ANKRD17: variants seen among roughly 807,000 people sequenced by gnomAD.
ANKRD17 encodes the protein ankyrin repeat domain 17.
In ANKRD17, 19 loss-of-function variants were observed where a neutral mutation model predicts 229.7. That is an observed-to-expected ratio of 0.08 (90% CI 0.06 to 0.12). The LOEUF is 0.12. ANKRD17 is among the 10% of genes least tolerant of loss of function. The probability of loss-of-function intolerance (pLI) is 1.00; values close to 1 mark genes in which losing one functional copy is unlikely to be tolerated. For synonymous variants in ANKRD17, 1,112 were observed against 1,146.1 expected (o/e 0.97, Z 0.60); for missense variants, 2,176 against 3,176.8 (o/e 0.68, Z 7.57).
At position 73,229,114 on chromosome 4, in the gene ANKRD17, C is replaced by G. The variant is rs1742799683; in HGVS notation, c.393+29162G>C. Among the ~76,000 whole-genome samples the G allele has an allele frequency of 3.9e-5, 6 of 151,982 alleles. No homozygotes were observed. In the South Asian group the frequency reaches 1.2e-3, roughly 32 times the overall value. On this transcript the variant is annotated intron_variant, in intron 1 of 33. Transcript: ENST00000358602. ...CACTTGGACACAGGAAGGGGAACAT[C>G]ACACACCAGGGCCTGTTGTGGGGTA...
intron 2 of ANKRD17, among the ~76,000 whole-genome samples, chr4:73,166,793 T>G (rs1404331670): frequency 1.3e-5 from 2 of 151,860 alleles, no homozygotes; most frequent in Non-Finnish European, 2.9e-5. Flanking sequence ...ATGATTAAAC[T>G]TAAAACAATT....
rs71655741 is a variant in ANKRD17, at chr4:73,191,341, A to ATGTGTGTGTGTGTGTGTGTGTGTG, written c.394-13832_394-13809dup. Among the ~76,000 whole-genome samples the ATGTGTGTGTGTGTGTGTGTGTGTG allele has an allele frequency of 6.3e-3, 785 of 125,238 alleles. 13 individuals are homozygous for ATGTGTGTGTGTGTGTGTGTGTGTG. Among genetic ancestry groups the ATGTGTGTGTGTGTGTGTGTGTGTG allele is most frequent in the Middle Eastern group, 0.013 (3 of 236 alleles). The allele number at this position is 125,238 out of a possible 152,430, so 82.2% of individuals were successfully genotyped here. A position where few individuals can be genotyped will look rare whatever the true frequency, so the allele number is the denominator to read the frequency against. Reference sequence around the variant, plus strand: ...AATAGGCCCCTACCAAAAAATATATATGTGTGTGTGTGTGTGTGTGTGTGT... The same window carrying ATGTGTGTGTGTGTGTGTGTGTGTG: ...AATAGGCCCCTACCAAAAAATATATATGTGTGTGTGTGTGTGTGTGTGTGTGTGTGTGTGTGTGTGTGTGTGTGT... On this transcript the variant is annotated intron_variant, in intron 1 of 33. Coordinates refer to ENST00000358602, the MANE Select transcript of ANKRD17 (RefSeq NM_032217.5).
chr4:73,158,912 T>C (rs193104385), intron 3 of ANKRD17, among the ~76,000 whole-genome samples: 1 of 152,350 alleles, frequency 6.6e-6, no homozygotes, highest in East Asian at 1.9e-4. Context: ...CCCTTGACCA[T>C]GGACTTCTCA....
Position 73,141,860 on chromosome 4 carries a change from T to A in ANKRD17, c.2230-17A>T. On this transcript the variant is annotated splice_polypyrimidine_tract_variant and intron_variant, in intron 13 of 33. Coordinates refer to ENST00000358602, the MANE Select transcript of ANKRD17 (RefSeq NM_032217.5). Reference sequence around the variant, plus strand: ...ACGAGGAGCCTAAGACAAAGGACACTAAGTGACTATTAGTGTCCTACACAA... The same window carrying A: ...ACGAGGAGCCTAAGACAAAGGACACAAAGTGACTATTAGTGTCCTACACAA... 6.3e-7 allele frequency: 1 copy of A among 1,595,118 alleles called. No individual in the cohort carries two copies. The highest frequency in any genetic ancestry group is 8.6e-7 in the Non-Finnish European group (1 of 1,163,670).
intron 24 of ANKRD17, among the ~76,000 whole-genome samples, chr4:73,103,663 A>G (rs374692684): frequency 2.6e-4 from 40 of 152,344 alleles, no homozygotes; most frequent in Admixed American, 4.6e-4. Flanking sequence ...ATGTGTCAAA[A>G]CAATGTCAGT....
At chr4:73,131,648 A>G (rs1728212960) in intron 16 of ANKRD17, among the ~76,000 whole-genome samples, 1 of 152,196 alleles carries the variant, frequency 6.6e-6, no homozygotes, top group African/African-American at 2.4e-5. Flanking sequence ...TTAATAAAAG[A>G]AAAGAGTCTA....
At chr4:73,251,627 G>A (rs1745037159) in intron 1 of ANKRD17, among the ~76,000 whole-genome samples, 1 of 151,184 alleles carries the variant, frequency 6.6e-6, no homozygotes, top group Non-Finnish European at 1.5e-5. Flanking sequence ...AATATAAGTG[G>A]TACCAGCAGG....
chr4:73,244,583 C>T (rs1162523336), intron 1 of ANKRD17, among the ~76,000 whole-genome samples: 1 of 152,178 alleles, frequency 6.6e-6, no homozygotes, highest in Non-Finnish European at 1.5e-5. Context: ...AAGTGCAAGA[C>T]AGCAGATACT....
chr4:73,165,785 T>G (rs765501021), intron 2 of ANKRD17, among the ~76,000 whole-genome samples: 1 of 152,214 alleles, frequency 6.6e-6, no homozygotes, highest in African/African-American at 2.4e-5. Context: ...TACTTGCCAC[T>G]GCTGACTTAA....
In ANKRD17 at chr4:73,077,545, CAA is replaced by C. The variant is rs775040857; in HGVS notation, c.7409-14_7409-13del. 8.0e-5 allele frequency: 123 copies of C among 1,535,558 alleles called. No homozygotes were observed. Among genetic ancestry groups the C allele is most frequent in the Admixed American group, 2.0e-4 (9 of 44,796 alleles). On this transcript the variant is annotated splice_polypyrimidine_tract_variant and intron_variant, in intron 31 of 33. Coordinates refer to ENST00000358602, the MANE Select transcript of ANKRD17 (RefSeq NM_032217.5). ...CCAGTCTACTTTGTCTGAGGGCAAA[CAA>C]AGAGGCAAAACAAAAATAGATAATA...
intron 21 of ANKRD17, 71 bp downstream of exon 21, chr4:73,120,091 A>C: frequency 6.8e-7 from 1 of 1,463,330 alleles, no homozygotes; most frequent in Non-Finnish European, 9.5e-7. Context: ...TAAATAGTTT[A>C]ATTGCCTAGA....
chr4:73,144,837 TTAAA>T lies in ANKRD17; in HGVS notation c.1870-9_1870-6del. ...TCCACCTTCAGATTCATGTTCCTGT[TTAAA>T]AAAAAAAAAAAAGACTTGACATTTA... On this transcript the variant is annotated splice_region_variant and splice_polypyrimidine_tract_variant and intron_variant, in intron 10 of 33. Coordinates refer to ENST00000358602, the MANE Select transcript of ANKRD17 (RefSeq NM_032217.5). The T allele has an allele frequency of 6.4e-7, 1 of 1,566,396 alleles. No individual in the cohort carries two copies. The highest frequency in any genetic ancestry group is 2.1e-5 in the Admixed American group (1 of 48,594).
At chr4:73,199,783 G>C (rs895927222) in intron 1 of ANKRD17, among the ~76,000 whole-genome samples, 20 of 152,088 alleles carry the variant, frequency 1.3e-4, no homozygotes, top group African/African-American at 4.8e-4. Context: ...CTGTCTTTTT[G>C]TTGTAGTTTG....
At chr4:73,154,631 T>C (rs1301084115) in intron 5 of ANKRD17, among the ~76,000 whole-genome samples, 2 of 152,348 alleles carry the variant, frequency 1.3e-5, no homozygotes, top group Non-Finnish European at 2.9e-5. Flanking sequence ...AATTCAATAA[T>C]TTCTAAAACA....
At chr4:73,132,300 G>A (rs1728320744) in intron 16 of ANKRD17, among the ~76,000 whole-genome samples, 1 of 151,848 alleles carries the variant, frequency 6.6e-6, no homozygotes, top group Non-Finnish European at 1.5e-5. Context: ...GTAGAGACAG[G>A]GTTTCATCAT....
intron 1 of ANKRD17, among the ~76,000 whole-genome samples, chr4:73,219,013 A>G (rs996908194): frequency 2.0e-5 from 3 of 151,640 alleles, no homozygotes; most frequent in African/African-American, 2.4e-5. Flanking sequence ...GTGAGCTGAG[A>G]TAAGAGTCAC....
intron 16 of ANKRD17, 51 bp from the exon 17 acceptor site, chr4:73,125,363 T>C (rs1411788646): frequency 8.3e-7 from 1 of 1,203,690 alleles, no homozygotes; most frequent in Admixed American, 1.9e-5. Context: ...AAGATGTTAA[T>C]ATCAAATACA....
chr4:73,107,559 A>G (rs1449366595), intron 24 of ANKRD17, among the ~76,000 whole-genome samples: 1 of 152,198 alleles, frequency 6.6e-6, no homozygotes. Context: ...GTGTGTATGG[A>G]GACAAATGGA....
chr4:73,084,514 T>C (rs1267334642), intron 30 of ANKRD17, among the ~76,000 whole-genome samples: 2 of 150,612 alleles, frequency 1.3e-5, no homozygotes, highest in African/African-American at 4.9e-5. Context: ...AGTGGTGTGA[T>C]CTCGGCTCAC....
Sources: allele counts gnomAD v4.1 joint callset (sites outside exome capture counted in the v4.1 genomes callset), GRCh38; gene constraint gnomAD v4.1.1; transcripts MANE v1.5; gene names NCBI Gene and HGNC (gene_info 2026-07-23, HGNC 2026-07-21).